The following FER1L6 variants were observed in gnomAD, a reference collection of about 807,000 sequenced individuals.
The protein encoded by FER1L6 is fer-1 like family member 6.
In FER1L6, 177 loss-of-function variants were observed where a neutral mutation model predicts 219.2. That is an observed-to-expected ratio of 0.81 (90% CI 0.71 to 0.91). The LOEUF (loss-of-function observed/expected upper bound fraction) is 0.91, where lower values mean the gene tolerates loss of function less well. Among genes scored for constraint, FER1L6 ranks in the 40% least tolerant of loss-of-function variants. The pLI is 0.00. For missense variants in FER1L6, 2,153 were observed against 2,259.9 expected (o/e 0.95, Z 0.96); for synonymous variants, 768 against 824.3 (o/e 0.93, Z 1.17).
In FER1L6 at chr8:124,005,387, C is replaced by T. The variant is rs552414609; in HGVS notation, c.1700+2040C>T. ...TTCTTCTATTCCAAACTGCAGTGCC[C>T]CATGGCAGTATCCCAATATGTCCTG... On this transcript the variant is annotated intron_variant, in intron 13 of 40. Coordinates refer to ENST00000522917, the MANE Select transcript of FER1L6 (RefSeq NM_001039112.2). Among the ~76,000 whole-genome samples the T allele has an allele frequency of 1.3e-4, 20 of 152,334 alleles. 2 individuals carry two copies. The South Asian group carries it at 3.9e-3, about 30-fold the overall frequency.
chr8:124,032,460 G>C (rs1209453740), intron 18 of FER1L6, among the ~76,000 whole-genome samples: 3 of 151,938 alleles, frequency 2.0e-5, no homozygotes, highest in African/African-American at 7.3e-5. Context: ...AGGCTCTGTG[G>C]CTCTTGCCTG....
intron 14 of FER1L6, 49 bp from the exon 15 acceptor site, chr8:124,013,382 A>C (rs923916886): frequency 8.7e-7 from 1 of 1,143,860 alleles, no homozygotes; most frequent in Non-Finnish European, 1.2e-6. Context: ...CTCTACTACC[A>C]ATCTCATTAC....
intron 10 of FER1L6, among the ~76,000 whole-genome samples, chr8:123,979,179 GA>G (rs1816217301): frequency 6.6e-6 from 1 of 152,134 alleles, no homozygotes. Flanking sequence ...AACACTGGGG[GA>G]TTGTTAAGCA....
At chr8:124,100,850 T>C (rs1822519090) in intron 37 of FER1L6, among the ~76,000 whole-genome samples, 1 of 152,106 alleles carries the variant, frequency 6.6e-6, no homozygotes, top group Non-Finnish European at 1.5e-5. Context: ...GGGCTTCAGA[T>C]CTACACAAGC....
intron 20 of FER1L6, among the ~76,000 whole-genome samples, chr8:124,044,507 C>T (rs947177802): frequency 2.0e-5 from 3 of 152,170 alleles, no homozygotes; most frequent in Non-Finnish European, 4.4e-5. Flanking sequence ...CGATGTAAAA[C>T]GCTGAGATGA....
intron 35 of FER1L6, among the ~76,000 whole-genome samples, chr8:124,096,539 T>C (rs748350511): frequency 6.6e-6 from 1 of 152,208 alleles, no homozygotes; most frequent in Non-Finnish European, 1.5e-5. Flanking sequence ...GAGCTTAGCA[T>C]GGAATCCACA....
intron 33 of FER1L6, among the ~76,000 whole-genome samples, chr8:124,083,368 A>G (rs554024497): frequency 6.2e-4 from 95 of 152,200 alleles, no homozygotes; most frequent in African/African-American, 2.3e-3. Context: ...TTCTTAACCT[A>G]ATGTCTTTAA....
At chr8:124,047,299 AGCT>A (rs1016228101) in intron 21 of FER1L6, among the ~76,000 whole-genome samples, 18 of 152,358 alleles carry the variant, frequency 1.2e-4, no homozygotes, top group Admixed American at 5.9e-4. Flanking sequence ...CCCTTGGGCC[AGCT>A]GCTCAACCTC....
At chr8:123,974,680 A>AAAAAAAAAAAAAAAAAAAAAAAAAAAAT (rs1362934333) in intron 7 of FER1L6, among the ~76,000 whole-genome samples, 1 of 148,490 alleles carries the variant, frequency 6.7e-6, no homozygotes, top group Non-Finnish European at 1.5e-5. Context: ...AAAAAAAAAA[A>AAAAAAAAAAAAAAAAAAAAAAAAAAAAT]AAGAAATGTG....
intron 2 of FER1L6, among the ~76,000 whole-genome samples, chr8:123,962,826 C>G (rs1229615462): frequency 6.6e-6 from 1 of 152,032 alleles, no homozygotes; most frequent in African/African-American, 2.4e-5. Context: ...GGGGGTTTCA[C>G]CATGTTGGCC....
chr8:124,017,575 T>A (rs899986725), intron 15 of FER1L6, 53 bp from the exon 16 acceptor site: 2 of 1,370,584 alleles, frequency 1.5e-6, no homozygotes, highest in East Asian at 2.3e-5. Context: ...TCTGGAATTA[T>A]ATAAATGGAT....
At chr8:124,068,926 G>A (rs1820942170) in intron 28 of FER1L6, among the ~76,000 whole-genome samples, 1 of 150,952 alleles carries the variant, frequency 6.6e-6, no homozygotes, top group South Asian at 2.1e-4. Flanking sequence ...AGGGTCACAA[G>A]TTACTATTTC....
intron 1 of FER1L6, among the ~76,000 whole-genome samples, chr8:123,898,812 T>TATACATATGTGTATATATATATAC (rs1563677627): frequency 7.2e-6 from 1 of 138,484 alleles, no homozygotes; most frequent in Non-Finnish European, 1.5e-5. Flanking sequence ...TACACATATA[T>TATACATATGTGTATATATATATAC]ATACATATGT....
At chr8:124,031,721 G>C (rs1818974078) in intron 18 of FER1L6, among the ~76,000 whole-genome samples, 1 of 152,150 alleles carries the variant, frequency 6.6e-6, no homozygotes, top group African/African-American at 2.4e-5. Context: ...GAGGGCAGGA[G>C]GTCAGAGAAA....
At chr8:124,010,032 G>C (rs1398143963) in intron 13 of FER1L6, among the ~76,000 whole-genome samples, 1 of 152,006 alleles carries the variant, frequency 6.6e-6, no homozygotes, top group East Asian at 1.9e-4. Context: ...CTAGTTTGAG[G>C]GTCGTGGAAC....
chr8:123,881,653 A>G (rs1333740956), intron 1 of FER1L6, among the ~76,000 whole-genome samples: 1 of 152,184 alleles, frequency 6.6e-6, no homozygotes, highest in African/African-American at 2.4e-5. Flanking sequence ...TAAAGCTTCA[A>G]TACCGTAGAC....
At chr8:123,907,751 C>T (rs923934529) in intron 1 of FER1L6, among the ~76,000 whole-genome samples, 1 of 139,994 alleles carries the variant, frequency 7.1e-6, no homozygotes, top group African/African-American at 2.6e-5. Context: ...TCTTCTTATT[C>T]TGGGGAGTAG....
At chr8:123,912,723 C>A (rs897898879) in intron 1 of FER1L6, among the ~76,000 whole-genome samples, 1 of 152,140 alleles carries the variant, frequency 6.6e-6, no homozygotes, top group Non-Finnish European at 1.5e-5. Flanking sequence ...CAAGCCACAG[C>A]AGTTTAACTC....
chr8:123,930,905 G>C (rs574634881), intron 1 of FER1L6, among the ~76,000 whole-genome samples: 3 of 152,160 alleles, frequency 2.0e-5, no homozygotes, highest in Non-Finnish European at 4.4e-5. Context: ...GGCATGGGTT[G>C]AGCATCTTCC....
Sources: allele counts gnomAD v4.1 joint callset (sites outside exome capture counted in the v4.1 genomes callset), GRCh38; gene constraint gnomAD v4.1.1; transcripts MANE v1.5; gene names NCBI Gene and HGNC (gene_info 2026-07-23, HGNC 2026-07-21).